Variants in MAP3K20 observed in about 807,000 individuals in gnomAD.
MAP3K20 encodes the protein HCCS-4.
A neutral mutation model predicts 85.7 loss-of-function variants in MAP3K20; 40 were observed. The observed-to-expected ratio is 0.47, with a 90% CI of 0.36 to 0.61. MAP3K20 has a LOEUF of 0.61. Ranked by LOEUF, MAP3K20 falls within the 20% of genes least tolerant of loss-of-function variation. The probability of loss-of-function intolerance (pLI) is 0.00; values close to 1 mark genes in which losing one functional copy is unlikely to be tolerated. For missense variants in MAP3K20, 817 were observed against 961.7 expected, an observed-to-expected ratio of 0.85 and a Z score of 1.99; for synonymous variants, 325 against 327.7, an observed-to-expected ratio of 0.99 and a Z score of 0.09.
chr2:173,247,777 G>T (rs778722040), intron 16 of MAP3K20, among the ~76,000 whole-genome samples: 1 of 152,190 alleles, frequency 6.6e-6, no homozygotes, highest in African/African-American at 2.4e-5. Flanking sequence ...TATGGCATAG[G>T]TTGTGGTGAT....
rs1689056063 is a variant in MAP3K20 at position 173,144,150 on chromosome 2, AGAAAG to A, written c.160-25650_160-25646del. Among the ~76,000 whole-genome samples, 3 of 152,092 alleles carry A rather than the reference AGAAAG, an allele frequency of 2.0e-5. No homozygotes were observed. In the Middle Eastern group the frequency reaches 0.01, roughly 517 times the overall value. On this transcript the variant is annotated intron_variant, in intron 2 of 19. Coordinates refer to ENST00000375213, the MANE Select transcript of MAP3K20 (RefSeq NM_016653.3). ...GTCTCTACAAAAAAAATAAAAATAA[AGAAAG>A]GAAAAGAAAATAAAAGAAAGAAAGA...
chr2:173,114,929 T>G (rs990873446), intron 2 of MAP3K20, among the ~76,000 whole-genome samples: 18 of 152,240 alleles, frequency 1.2e-4, no homozygotes, highest in Admixed American at 3.3e-4. Flanking sequence ...TTCTTTGTGC[T>G]TCTTGTATTT....
At chr2:173,235,624 G>A (rs1684630720) in intron 14 of MAP3K20, among the ~76,000 whole-genome samples, 1 of 152,198 alleles carries the variant, frequency 6.6e-6, no homozygotes, top group Admixed American at 6.5e-5. Flanking sequence ...CCCCCTTTGG[G>A]GGTGATGAAA....
At chr2:173,204,527 C>T (rs952010395) in intron 9 of MAP3K20, among the ~76,000 whole-genome samples, 1 of 152,196 alleles carries the variant, frequency 6.6e-6, no homozygotes, top group Non-Finnish European at 1.5e-5. Flanking sequence ...AATTCCAAAG[C>T]TTAGGCTTTC....
Position 173,247,590 on chromosome 2 carries a change from G to A in MAP3K20, c.1359+8094G>A, listed in dbSNP as rs529653249. On this transcript the variant is annotated intron_variant, in intron 16 of 19. Transcript: ENST00000375213. The stretch of plus-strand genomic sequence containing the variant: ...TGCACACATGAATTTGTGTCCCTAA[G>A]TATCTAAGATGAATAAGTTCTAGAG... Among the ~76,000 whole-genome samples the A allele has an allele frequency of 1.1e-4, 17 of 152,258 alleles. 1 individual carries two copies. In the South Asian group the frequency reaches 3.5e-3, roughly 32 times the overall value.
At chr2:173,178,833 A>G (rs1020444466) in intron 3 of MAP3K20, among the ~76,000 whole-genome samples, 1 of 152,176 alleles carries the variant, frequency 6.6e-6, no homozygotes, top group Non-Finnish European at 1.5e-5. Flanking sequence ...CCAAAGTCAT[A>G]CAGAGACATA....
intron 2 of MAP3K20, among the ~76,000 whole-genome samples, chr2:173,125,420 C>T (rs1688412619): frequency 6.6e-6 from 1 of 152,102 alleles, no homozygotes; most frequent in Admixed American, 6.5e-5. Context: ...TCAGATTATC[C>T]TTAGAGCAAC....
chr2:173,076,341 G>C (rs2106128068), intron 1 of MAP3K20, among the ~76,000 whole-genome samples: 1 of 152,266 alleles, frequency 6.6e-6, no homozygotes, highest in East Asian at 1.9e-4. Context: ...AGCGGCCCCG[G>C]CTTTCGCGGT....
intron 1 of MAP3K20, among the ~76,000 whole-genome samples, chr2:173,089,652 A>G (rs1426944726): frequency 1.3e-5 from 2 of 151,548 alleles, no homozygotes; most frequent in Non-Finnish European, 2.9e-5. Context: ...GCACTATCTC[A>G]GCTCACTGCA....
At chr2:173,263,958 A>C in intron 19 of MAP3K20, 63 bp downstream of exon 19, 1 of 1,549,824 alleles carries the variant, frequency 6.5e-7, no homozygotes, top group Non-Finnish European at 8.7e-7. Context: ...TGACATTTCC[A>C]GATGATCTAA....
intron 2 of MAP3K20, among the ~76,000 whole-genome samples, chr2:173,140,068 A>G (rs1034238190): frequency 4.6e-5 from 7 of 151,878 alleles, no homozygotes; most frequent in Non-Finnish European, 8.8e-5. Flanking sequence ...CAGGAGTGCA[A>G]TGGCGCAATC....
intron 2 of MAP3K20, among the ~76,000 whole-genome samples, chr2:173,156,237 T>A (rs894575355): frequency 2.6e-5 from 4 of 152,244 alleles, no homozygotes; most frequent in Non-Finnish European, 5.9e-5. Flanking sequence ...ATTTCAAGAC[T>A]GATTTGTTAT....
In MAP3K20 at chr2:173,266,619, GAA is replaced by G; in HGVS notation, c.2273_2274del (p.Glu758GlyfsTer29). 1 of 1,613,932 alleles carries G rather than the reference GAA, an allele frequency of 6.2e-7. No individual in the cohort carries two copies. On this transcript the variant is annotated frameshift_variant, in exon 20 of 20. Transcript: ENST00000375213. LOFTEE classifies it low-confidence loss of function (END_TRUNC). The part of the protein sequence containing the change: ...LHPETDSRAS[E>X]EDSKVSEGGW... ...CCCTGAGACTGACTCAAGAGCCAGT[GAA>G]GAGGACAGCAAAGTCAGCGAAGGGG...
Position 173,266,583 on chromosome 2 carries a change from A to T in MAP3K20, c.2236A>T (p.Met746Leu). 1 of 1,613,910 alleles carries T rather than the reference A, an allele frequency of 6.2e-7. No individual in the cohort carries two copies. Among genetic ancestry groups the T allele is most frequent in the East Asian group, 2.2e-5 (1 of 44,852 alleles). ...DLHQPNTIPG[M>L]PLHPETDSRA... ...CCACCAACCCAACACCATACCAGGG[A>T]TGCCTTTGCACCCTGAGACTGACTC... is the stretch of plus-strand genomic sequence containing the variant. The change falls in exon 20 of 20, where the codon ATG becomes TTG. Residue 746 changes from methionine to leucine, a missense_variant. This residue lies in a region of MAP3K20 where 454 missense variants were observed against 476.9 expected (regional missense o/e 0.95). Coordinates refer to ENST00000375213, the MANE Select transcript of MAP3K20 (RefSeq NM_016653.3).
intron 2 of MAP3K20, among the ~76,000 whole-genome samples, chr2:173,129,906 A>G (rs1173843855): frequency 2.0e-5 from 3 of 152,234 alleles, no homozygotes; most frequent in African/African-American, 7.2e-5. Flanking sequence ...AAAAGGGTAG[A>G]GTATTTACTG....
intron 2 of MAP3K20, among the ~76,000 whole-genome samples, chr2:173,100,640 A>T (rs1419121358): frequency 6.6e-6 from 1 of 152,152 alleles, no homozygotes; most frequent in African/African-American, 2.4e-5. Context: ...GCATTCACCT[A>T]CATAGTAACA....
At chr2:173,229,417 T>C (rs10182247) in intron 11 of MAP3K20, among the ~76,000 whole-genome samples, 39,151 of 152,118 alleles carry the variant, frequency 0.26, 5,477 homozygotes, top group African/African-American at 0.35. Flanking sequence ...CTGCTGAGGC[T>C]TGATTGTGGG....
chr2:173,110,224 TA>T (rs1559235072), intron 2 of MAP3K20, among the ~76,000 whole-genome samples: 299 of 10,506 alleles, frequency 0.028, 1 homozygote, highest in Non-Finnish European at 0.05. Context: ...TATATATATA[TA>T]TATATATATA....
chr2:173,187,517 G>A (rs1690523230), intron 4 of MAP3K20, 41 bp from the exon 5 acceptor site: 1 of 1,540,636 alleles, frequency 6.5e-7, no homozygotes, highest in African/African-American at 1.4e-5. Flanking sequence ...ATGTAATGTT[G>A]AAAAATATTA....
Sources: allele counts gnomAD v4.1 joint callset (sites outside exome capture counted in the v4.1 genomes callset), GRCh38; gene constraint gnomAD v4.1.1; regional missense constraint gnomAD v4.1.1; transcripts MANE v1.5; gene names NCBI Gene and HGNC (gene_info 2026-07-23, HGNC 2026-07-21).